The following SLC19A3 variants were observed in gnomAD, a reference collection of about 807,000 sequenced individuals.
SLC19A3 encodes the protein thiamine transporter 2.
In SLC19A3, 31 loss-of-function variants were observed where a neutral mutation model predicts 40.2. The ratio of observed to expected loss-of-function variants is 0.77; its 90% CI spans 0.58 to 1.04. The LOEUF (loss-of-function observed/expected upper bound fraction) is 1.04. SLC19A3 is among the 50% of genes least tolerant of loss of function. The probability of loss-of-function intolerance (pLI) is 0.00; values close to 1 mark genes in which losing one functional copy is unlikely to be tolerated. For missense variants in SLC19A3, 592 were observed against 596.7 expected (o/e 0.99, Z 0.08); for synonymous variants, 212 against 227.5 (o/e 0.93, Z 0.61).
chr2:227,690,013 C>T (rs1695159874), intron 4 of SLC19A3, among the ~76,000 whole-genome samples: 2 of 151,874 alleles, frequency 1.3e-5, no homozygotes, highest in South Asian at 4.2e-4. Context: ...AATGGATACC[C>T]AAAAAGTAAA....
intron 1 of SLC19A3, chr2:227,706,363 A>G (rs1275898879): frequency 8.1e-7 from 1 of 1,231,546 alleles, no homozygotes; most frequent in Non-Finnish European, 1.0e-6. Context: ...TGTGTGTTCC[A>G]AATCACAAGA....
rs74387373 is a variant in SLC19A3, at chr2:227,701,966, T to G, written c.150+203A>C. 10,567 of 557,804 alleles carry G rather than the reference T, an allele frequency of 0.019. 356 individuals are homozygous for G. The highest frequency in any genetic ancestry group is 0.11 in the African/African-American group (5,809 of 53,128). 34.6% of individuals were successfully genotyped at this position (557,804 alleles called of 1,614,324 possible). On this transcript the variant is annotated intron_variant, in intron 2 of 5. Transcript: ENST00000644224. ...TGCAAGTTAAAAATTTGTTAACACA[T>G]GTAATATGTTTTGGCTGCAATTTTT...
intron 4 of SLC19A3, 87 bp from the exon 5 acceptor site, chr2:227,688,394 T>G: frequency 7.9e-7 from 1 of 1,265,804 alleles, no homozygotes; most frequent in Middle Eastern, 1.9e-4. Flanking sequence ...CACAGGGGTA[T>G]TTGTGTCACC....
rs1446381194 is a variant in SLC19A3 at position 227,685,580 on chromosome 2, T to C, written c.*1817A>G. ...AACCATATCAAAATCCAATTAAAAA[T>C]TTTTTTGTTTGTTTTAGACACAGGG... is the stretch of plus-strand genomic sequence containing the variant. On this transcript the variant is annotated 3_prime_UTR_variant, in exon 6 of 6. Coordinates refer to ENST00000644224, the MANE Select transcript of SLC19A3 (RefSeq NM_025243.4). The C allele has an allele frequency of 1.3e-5, 2 of 152,084 alleles. No homozygotes were observed. Among genetic ancestry groups the C allele is most frequent in the African/African-American group, 4.8e-5 (2 of 41,402 alleles). The allele number at this position is 152,084 out of a possible 1,614,324, so 9.4% of individuals were successfully genotyped here. A position where few individuals can be genotyped will look rare whatever the true frequency, so the allele number is the denominator to read the frequency against.
chr2:227,698,309 C>T lies in SLC19A3; in HGVS notation c.979+427G>A, dbSNP rs377414822. 4.2e-4 allele frequency among the ~76,000 whole-genome samples: 63 copies of T among 151,756 alleles called. No individual in the cohort carries two copies. The East Asian group carries it at 0.01, about 25-fold the overall frequency. On this transcript the variant is annotated intron_variant, in intron 3 of 5. Coordinates refer to ENST00000644224, the MANE Select transcript of SLC19A3 (RefSeq NM_025243.4). ...CCAAGTAGCTGGGACTACAGGCATC[C>T]GCCACCATGACCGGCTAATTTCTTT... is the stretch of plus-strand genomic sequence containing the variant.
At chr2:227,693,286 AC>A (rs773093846) in intron 4 of SLC19A3, among the ~76,000 whole-genome samples, 3 of 152,244 alleles carry the variant, frequency 2.0e-5, no homozygotes, top group South Asian at 2.1e-4. Flanking sequence ...AACAACAACA[AC>A]AACAAAAAAC....
chr2:227,713,542 G>C (rs1039534649), intron 1 of SLC19A3, among the ~76,000 whole-genome samples: 1 of 151,820 alleles, frequency 6.6e-6, no homozygotes. Context: ...CATCATGGGA[G>C]GGGAACTGGT....
At chr2:227,698,486 A>G (rs961574851) in intron 3 of SLC19A3, among the ~76,000 whole-genome samples, 4 of 152,042 alleles carry the variant, frequency 2.6e-5, no homozygotes, top group Non-Finnish European at 5.9e-5. Context: ...TTTTTAGTAG[A>G]GACGGGGTTT....
Position 227,685,145 on chromosome 2 carries a change from G to A in SLC19A3, c.*2252C>T, listed in dbSNP as rs1694969873. 6.6e-6 allele frequency: 1 copy of A among 152,068 alleles called. No homozygotes were observed. The highest frequency in any genetic ancestry group is 6.6e-5 in the Admixed American group (1 of 15,228). The allele number at this position is 152,068 out of a possible 1,614,324, so 9.4% of individuals were successfully genotyped here. A position where few individuals can be genotyped will look rare whatever the true frequency, so the allele number is the denominator to read the frequency against. ...AGTGAAGAATTTCGGGATTTGGAGA[G>A]GAGTATACTTGAGAAACATATTAGT... On this transcript the variant is annotated 3_prime_UTR_variant, in exon 6 of 6. Coordinates refer to ENST00000644224, the MANE Select transcript of SLC19A3 (RefSeq NM_025243.4).
Position 227,687,696 on chromosome 2 carries a change from G to A in SLC19A3, c.1315-123C>T, listed in dbSNP as rs76072698. ...ACTGAGACCCAGGTTTTTAATATGG[G>A]TCATTTAGGTTGAACAATACTCTCC... On this transcript the variant is annotated intron_variant, in intron 5 of 5. Transcript: ENST00000644224. 6,610 of 912,282 alleles carry A rather than the reference G, an allele frequency of 7.2e-3. 298 individuals carry two copies. In the African/African-American group the frequency reaches 0.096, roughly 13 times the overall value. 56.5% of individuals were successfully genotyped at this position (912,282 alleles called of 1,614,324 possible). A position where few individuals can be genotyped will look rare whatever the true frequency, so the allele number is the denominator to read the frequency against.
rs572061835 is a variant in SLC19A3 at position 227,717,992 on chromosome 2, A to G, written c.-52T>C. The G allele has an allele frequency of 2.1e-3, 2,023 of 985,160 alleles. 4 individuals carry two copies. The highest frequency in any genetic ancestry group is 2.4e-3 in the Non-Finnish European group (1,970 of 829,940). The allele number at this position is 985,160 out of a possible 1,614,324, so 61.0% of individuals were successfully genotyped here. On this transcript the variant is annotated 5_prime_UTR_variant, in exon 1 of 6. Transcript: ENST00000644224. ...CAAATCGCTCACTTGCCGCACGACC[A>G]CGCACCCGCGGCTGTCGGATGGATC...
chr2:227,708,463 G>A (rs933619614), intron 1 of SLC19A3, among the ~76,000 whole-genome samples: 1 of 152,012 alleles, frequency 6.6e-6, no homozygotes, highest in Non-Finnish European at 1.5e-5. Context: ...GCCGGACACG[G>A]TGGCTCATGC....
intron 2 of SLC19A3, chr2:227,701,129 G>T (rs901938740): frequency 1.6e-6 from 2 of 1,270,854 alleles, no homozygotes; most frequent in South Asian, 2.7e-5. Context: ...CGGAAACAGG[G>T]TTGTCCCTAA....
At chr2:227,706,170 G>T in intron 1 of SLC19A3, 1 of 489,708 alleles carries the variant, frequency 2.0e-6, no homozygotes, top group Non-Finnish European at 3.2e-6. Flanking sequence ...TTCTGGAATA[G>T]ACTGTTCTTT....
intron 1 of SLC19A3, chr2:227,702,761 C>G (rs1416350317): frequency 5.3e-6 from 1 of 187,390 alleles, no homozygotes; most frequent in Admixed American, 5.5e-5. Flanking sequence ...ATCTTGCTAT[C>G]TCATGTGAAT....
chr2:227,692,072 T>C (rs1278229449), intron 4 of SLC19A3, among the ~76,000 whole-genome samples: 1 of 152,066 alleles, frequency 6.6e-6, no homozygotes, highest in Non-Finnish European at 1.5e-5. Context: ...AAGATTGAAG[T>C]CATAATAAAA....
intron 4 of SLC19A3, 112 bp from the exon 5 acceptor site, chr2:227,688,419 G>A: frequency 1.1e-6 from 1 of 901,760 alleles, no homozygotes; most frequent in Admixed American, 2.0e-5. Flanking sequence ...TCCAGCTCCA[G>A]GTAGTCCAGC....
chr2:227,692,978 TTAAC>T (rs1285559030), intron 4 of SLC19A3, among the ~76,000 whole-genome samples: 1 of 151,918 alleles, frequency 6.6e-6, no homozygotes. Flanking sequence ...TACCTAAGAA[TTAAC>T]TAAAGAAGTG....
At chr2:227,707,607 A>G (rs1273727016) in intron 1 of SLC19A3, among the ~76,000 whole-genome samples, 1 of 146,898 alleles carries the variant, frequency 6.8e-6, no homozygotes, top group Non-Finnish European at 1.5e-5. Context: ...AAAATAAAAT[A>G]TAATAAAAAA....
Sources: allele counts gnomAD v4.1 joint callset (sites outside exome capture counted in the v4.1 genomes callset), GRCh38; gene constraint gnomAD v4.1.1; transcripts MANE v1.5; gene names NCBI Gene and HGNC (gene_info 2026-07-23, HGNC 2026-07-21).